Variants in CELF1 observed in about 807,000 individuals in gnomAD.
The protein encoded by CELF1 is CUGBP Elav-like family member 1.
CELF1 carries 10 observed loss-of-function variants against 61.8 expected under a neutral mutation model. The ratio of observed to expected loss-of-function variants is 0.16; its 90% CI spans 0.10 to 0.27. The LOEUF is 0.27. CELF1 is among the 10% of genes least tolerant of loss of function. The probability of loss-of-function intolerance (pLI) is 1.00; values close to 1 mark genes in which losing one functional copy is unlikely to be tolerated. For synonymous variants in CELF1, 236 were observed against 225.1 expected (o/e 1.05, Z -0.43); for missense variants, 380 against 639.1 (o/e 0.59, Z 4.37).
intron 2 of CELF1, among the ~76,000 whole-genome samples, chr11:47,559,347 G>A (rs1170036355): frequency 2.0e-5 from 3 of 150,564 alleles, no homozygotes; most frequent in South Asian, 2.1e-4. Flanking sequence ...TTATAGGCAT[G>A]AGCCACTTCG....
intron 9 of CELF1, 162 bp downstream of exon 9, chr11:47,482,533 G>T: frequency 1.7e-6 from 1 of 575,530 alleles, no homozygotes; most frequent in East Asian, 2.9e-5. Context: ...GAGAGAGAAA[G>T]AGACTAACAG....
At chr11:47,563,586 G>T (rs1337915240) in intron 2 of CELF1, among the ~76,000 whole-genome samples, 4 of 152,216 alleles carry the variant, frequency 2.6e-5, no homozygotes, top group Non-Finnish European at 5.9e-5. Context: ...CTACTGGGGA[G>T]GATGAGGCAG....
At chr11:47,517,260 GAAAA>G (rs57071560) in intron 1 of CELF1, among the ~76,000 whole-genome samples, 2 of 77,024 alleles carry the variant, frequency 2.6e-5, no homozygotes, top group South Asian at 1.0e-3. Flanking sequence ...AACAAACAGA[GAAAA>G]AAAAAAAAAA....
intron 1 of CELF1, among the ~76,000 whole-genome samples, chr11:47,503,697 C>A (rs1467520216): frequency 6.6e-6 from 1 of 152,108 alleles, no homozygotes; most frequent in African/African-American, 2.4e-5. Flanking sequence ...TGCACAGTAC[C>A]TTTTTGGACC....
Position 47,469,175 on chromosome 11 carries a change from A to G in CELF1, c.*3055T>C, listed in dbSNP as rs2077162863. On this transcript the variant is annotated 3_prime_UTR_variant, in exon 15 of 15. Transcript: ENST00000687097. ...CATGAAGCACCCAACTCCTAAGAGAAGGTCTCCAGGGGAGCAGAGCCTCAG... is the reference window on the plus strand; with the variant it reads ...CATGAAGCACCCAACTCCTAAGAGAGGGTCTCCAGGGGAGCAGAGCCTCAG... The G allele has an allele frequency of 6.6e-6, 1 of 152,192 alleles. No homozygotes were observed. Among genetic ancestry groups the G allele is most frequent in the Non-Finnish European group, 1.5e-5 (1 of 68,056 alleles). The allele number at this position is 152,192 out of a possible 1,614,324, so 9.4% of individuals were successfully genotyped here.
At chr11:47,560,627 T>C (rs2097222141) in intron 2 of CELF1, among the ~76,000 whole-genome samples, 1 of 152,138 alleles carries the variant, frequency 6.6e-6, no homozygotes, top group African/African-American at 2.4e-5. Flanking sequence ...TTTGGGATGA[T>C]GAAATGCTCT....
chr11:47,510,605 G>A (rs1354095663), intron 1 of CELF1, among the ~76,000 whole-genome samples: 1 of 152,004 alleles, frequency 6.6e-6, no homozygotes. Context: ...TCCCACCACG[G>A]CTTCCCAAGT....
chr11:47,556,663 G>A (rs1382768811), upstream of CELF1, among the ~76,000 whole-genome samples: 1 of 152,122 alleles, frequency 6.6e-6, no homozygotes. Flanking sequence ...TTGAGGCCAG[G>A]AATTCAAAAC....
At chr11:47,550,028 G>C (rs1430409284) in intron 1 of CELF1, among the ~76,000 whole-genome samples, 2 of 151,920 alleles carry the variant, frequency 1.3e-5, no homozygotes, top group East Asian at 3.9e-4. Context: ...TATTGGCCAG[G>C]CTGGTCTCGA....
At chr11:47,507,634 A>T (rs1359199798) in intron 1 of CELF1, among the ~76,000 whole-genome samples, 3 of 152,208 alleles carry the variant, frequency 2.0e-5, no homozygotes, top group Non-Finnish European at 4.4e-5. Flanking sequence ...TGCCAGCTGT[A>T]TTTCTGTCTG....
chr11:47,482,184 G>A (rs1596328021), intron 9 of CELF1, among the ~76,000 whole-genome samples: 1 of 147,164 alleles, frequency 6.8e-6, no homozygotes, highest in Non-Finnish European at 1.5e-5. Context: ...CTGGGTGACA[G>A]AGTGAGTGAG....
In CELF1 at chr11:47,486,773, G is replaced by A; in HGVS notation, c.368C>T (p.Pro123Leu). ...ACCATTGTTCTTCTCACTGTCAGCA[G>A]GTTTCATCTGTATAGGGTGATGCAT... ...PGMHHPIQMK[P>L]ADSEKNNAVE... is the part of the protein sequence containing the mutation. Residue 123 changes from proline (P) to leucine (L), a missense_variant, in exon 6 of 15, where the codon CCT (proline) becomes CTT (leucine). Physicochemically the swap from Pro to Leu is moderately conservative, Grantham distance 98 (BLOSUM62 -3). Transcript: ENST00000687097. 1 of 1,612,360 alleles carries A rather than the reference G, an allele frequency of 6.2e-7. No homozygotes were observed. The highest frequency in any genetic ancestry group is 8.5e-7 in the Non-Finnish European group (1 of 1,178,394).
At position 47,531,353 on chromosome 11, in the gene CELF1, C is replaced by T. The variant is rs1024984450; in HGVS notation, c.-154+21639G>A. Among the ~76,000 whole-genome samples, 29 of 151,992 alleles carry T rather than the reference C, an allele frequency of 1.9e-4. 1 individual carries two copies. The highest frequency in any genetic ancestry group is 1.6e-3 in the Admixed American group (24 of 15,224). ...GGGAGGCCAAGGTGGGCAGATCACA[C>T]GGTTACAAGATAGAGACCATCCTGG... On this transcript the variant is annotated intron_variant, in intron 1 of 14. Transcript: ENST00000687097.
At chr11:47,507,995 T>G (rs1236038097) in intron 1 of CELF1, among the ~76,000 whole-genome samples, 3 of 152,194 alleles carry the variant, frequency 2.0e-5, no homozygotes, top group Non-Finnish European at 4.4e-5. Flanking sequence ...TTCCATTTAC[T>G]AAGTTCACAA....
At chr11:47,528,277 T>A (rs1259715047) in intron 1 of CELF1, among the ~76,000 whole-genome samples, 1 of 152,112 alleles carries the variant, frequency 6.6e-6, no homozygotes, top group Non-Finnish European at 1.5e-5. Context: ...TTGGACTAGA[T>A]CGGGGTCCAT....
intron 1 of CELF1, among the ~76,000 whole-genome samples, chr11:47,530,462 G>A (rs989079858): frequency 6.6e-6 from 1 of 152,172 alleles, no homozygotes; most frequent in Non-Finnish European, 1.5e-5. Flanking sequence ...CTTTAATGTG[G>A]GCCCAGTCAA....
chr11:47,536,528 G>A (rs1254486685), intron 1 of CELF1, among the ~76,000 whole-genome samples: 2 of 152,122 alleles, frequency 1.3e-5, no homozygotes, highest in African/African-American at 2.4e-5. Flanking sequence ...GGAGGCCAAG[G>A]TGAGCAGATT....
intron 1 of CELF1, among the ~76,000 whole-genome samples, chr11:47,543,837 T>G (rs990568552): frequency 6.6e-6 from 1 of 152,224 alleles, no homozygotes; most frequent in African/African-American, 2.4e-5. Context: ...TAGCTAAAAC[T>G]GATTAAGTCT....
chr11:47,481,524 C>T (rs1226918104), intron 9 of CELF1, among the ~76,000 whole-genome samples: 1 of 152,144 alleles, frequency 6.6e-6, no homozygotes, highest in East Asian at 1.9e-4. Flanking sequence ...TGCCTTTTGT[C>T]TGTTTCCATA....
Sources: gnomAD v4.1 joint callset for allele counts (sites outside exome capture counted in the v4.1 genomes callset) on GRCh38, gnomAD v4.1.1 for gene constraint, MANE v1.5 for transcripts, NCBI Gene and HGNC (gene_info 2026-07-23, HGNC 2026-07-21) for gene names.